Variants in GPC6 observed in about 807,000 individuals in gnomAD.
GPC6 encodes glypican 6.
GPC6 carries 14 observed loss-of-function variants against 55.2 expected under a neutral mutation model. That is an observed-to-expected ratio of 0.25 (90% CI 0.17 to 0.40). GPC6 has a LOEUF of 0.40. GPC6 is among the 10% of genes least tolerant of loss of function. The probability of loss-of-function intolerance (pLI) is 1.00; values close to 1 mark genes in which losing one functional copy is unlikely to be tolerated. For synonymous variants in GPC6, 278 were observed against 259.6 expected (o/e 1.07, Z -0.68); for missense variants, 641 against 708.5 (o/e 0.90, Z 1.08).
intron 2 of GPC6, among the ~76,000 whole-genome samples, chr13:93,689,999 A>G (rs143348419): frequency 6.3e-4 from 96 of 152,246 alleles, no homozygotes; most frequent in African/African-American, 2.3e-3. Flanking sequence ...AGTGATATAG[A>G]TACTCAGGAT....
chr13:93,917,293 C>T (rs1326553338), intron 3 of GPC6, among the ~76,000 whole-genome samples: 1 of 151,890 alleles, frequency 6.6e-6, no homozygotes, highest in African/African-American at 2.4e-5. Flanking sequence ...AAAACTTAGT[C>T]AGAAATTGAA....
intron 3 of GPC6, among the ~76,000 whole-genome samples, chr13:93,856,616 A>T (rs567079368): frequency 1.3e-5 from 2 of 151,746 alleles, no homozygotes; most frequent in South Asian, 4.1e-4. Flanking sequence ...CTTGGGAAGA[A>T]CCTAGATATC....
At chr13:93,895,220 G>GTA (rs1459071359) in intron 3 of GPC6, among the ~76,000 whole-genome samples, 2 of 59,646 alleles carry the variant, frequency 3.4e-5, no homozygotes, top group Non-Finnish European at 6.4e-5. Flanking sequence ...GTGTGTGTAT[G>GTA]TATGTGTGTG....
chr13:93,960,337 A>T (rs1566623361), intron 3 of GPC6, among the ~76,000 whole-genome samples: 1 of 152,222 alleles, frequency 6.6e-6, no homozygotes, highest in Admixed American at 6.5e-5. Flanking sequence ...ATTCCCTGGA[A>T]TCCTGCCCAT....
At chr13:93,386,621 G>T (rs1036446931) in intron 1 of GPC6, among the ~76,000 whole-genome samples, 1 of 152,168 alleles carries the variant, frequency 6.6e-6, no homozygotes, top group African/African-American at 2.4e-5. Flanking sequence ...GCTGGTAGAA[G>T]TCATCATAAC....
rs575953831 is a variant in GPC6 at position 93,880,476 on chromosome 13, A to C, written c.711+49931A>C. ...AAACTATCGCAAGAACAAAAAACCA[A>C]ACACCGCATATTCTCACTCATAGGT... On this transcript the variant is annotated intron_variant, in intron 3 of 8. Transcript: ENST00000377047. 4.6e-5 allele frequency among the ~76,000 whole-genome samples: 7 copies of C among 152,202 alleles called. No individual in the cohort carries two copies. In the East Asian group the frequency reaches 1.4e-3, roughly 30 times the overall value.
At chr13:93,763,628 T>C (rs1236734973) in intron 2 of GPC6, among the ~76,000 whole-genome samples, 1 of 152,212 alleles carries the variant, frequency 6.6e-6, no homozygotes, top group Non-Finnish European at 1.5e-5. Flanking sequence ...CTTTCCAAAC[T>C]CCCATGATTT....
intron 3 of GPC6, among the ~76,000 whole-genome samples, chr13:93,924,194 T>G (rs1411599091): frequency 6.6e-6 from 1 of 152,264 alleles, no homozygotes; most frequent in African/African-American, 2.4e-5. Flanking sequence ...ATTATACATT[T>G]GATATACAGT....
intron 6 of GPC6, among the ~76,000 whole-genome samples, chr13:94,308,269 T>C (rs541180833): frequency 1.9e-4 from 29 of 152,206 alleles, no homozygotes; most frequent in Non-Finnish European, 3.5e-4. Context: ...TTTTGCAGCT[T>C]AGCATAAACT....
At chr13:93,475,342 GATTTT>G (rs1206126963) in intron 1 of GPC6, among the ~76,000 whole-genome samples, 1 of 152,118 alleles carries the variant, frequency 6.6e-6, no homozygotes, top group Non-Finnish European at 1.5e-5. Flanking sequence ...TACTTAAAAT[GATTTT>G]ATTTTTACAC....
At chr13:93,813,142 A>G (rs1302925273) in intron 2 of GPC6, among the ~76,000 whole-genome samples, 2 of 152,208 alleles carry the variant, frequency 1.3e-5, no homozygotes, top group African/African-American at 4.8e-5. Context: ...AAAATATAAT[A>G]ATTTTAACCT....
At chr13:93,875,934 C>G (rs1889278269) in intron 3 of GPC6, among the ~76,000 whole-genome samples, 1 of 151,994 alleles carries the variant, frequency 6.6e-6, no homozygotes, top group African/African-American at 2.4e-5. Flanking sequence ...TCTAACAAGG[C>G]TCAGGCATTT....
intron 6 of GPC6, among the ~76,000 whole-genome samples, chr13:94,377,705 C>T (rs1240448194): frequency 6.6e-6 from 1 of 152,052 alleles, no homozygotes; most frequent in East Asian, 1.9e-4. Context: ...GGTATATACC[C>T]AAAGGACTAT....
chr13:93,498,421 T>G (rs1466690115), intron 1 of GPC6, among the ~76,000 whole-genome samples: 2 of 152,178 alleles, frequency 1.3e-5, no homozygotes, highest in East Asian at 1.9e-4. Flanking sequence ...TTAAAACATC[T>G]TATTGTCTGA....
intron 1 of GPC6, among the ~76,000 whole-genome samples, chr13:93,340,908 C>T (rs933381096): frequency 5.9e-5 from 9 of 152,086 alleles, no homozygotes; most frequent in African/African-American, 1.7e-4. Context: ...ATACTGTACC[C>T]GATATATACT....
At chr13:94,331,578 G>A (rs1245490456) in intron 6 of GPC6, among the ~76,000 whole-genome samples, 1 of 152,126 alleles carries the variant, frequency 6.6e-6, no homozygotes, top group Non-Finnish European at 1.5e-5. Flanking sequence ...ACAAAGAGAG[G>A]TTCATCCTTG....
chr13:93,764,824 G>A (rs9524203), intron 2 of GPC6, among the ~76,000 whole-genome samples: 32,201 of 152,036 alleles, frequency 0.21, 3,778 homozygotes, highest in Non-Finnish European at 0.25. Flanking sequence ...TTTTTAGACA[G>A]AGTCTTGCTC....
At chr13:94,025,792 T>C (rs1259151805) in intron 3 of GPC6, among the ~76,000 whole-genome samples, 1 of 152,226 alleles carries the variant, frequency 6.6e-6, no homozygotes, top group Non-Finnish European at 1.5e-5. Flanking sequence ...AGGCCAATTA[T>C]ATTTTACTTC....
intron 3 of GPC6, among the ~76,000 whole-genome samples, chr13:93,845,592 A>T (rs558413947): frequency 7.0e-6 from 1 of 143,172 alleles, no homozygotes; most frequent in South Asian, 2.4e-4. Context: ...CCAAATGTCC[A>T]ATAATGATAG....
Sources: allele counts gnomAD v4.1 joint callset (sites outside exome capture counted in the v4.1 genomes callset), GRCh38; gene constraint gnomAD v4.1.1; transcripts MANE v1.5; gene names NCBI Gene and HGNC (gene_info 2026-07-23, HGNC 2026-07-21).